Variants in RGS7 observed in about 807,000 individuals in gnomAD.
RGS7 encodes regulator of G protein signaling 7, also known as regulator of G-protein signaling 7.
A neutral mutation model predicts 81.1 loss-of-function variants in RGS7; 27 were observed. The observed-to-expected ratio is 0.33, with a 90% CI of 0.25 to 0.46. The LOEUF (loss-of-function observed/expected upper bound fraction) is 0.46, where lower values mean the gene tolerates loss of function less well. RGS7 is among the 20% of genes least tolerant of loss of function. The pLI is 1.00. For missense variants in RGS7, 396 were observed against 607.4 expected (o/e 0.65, Z 3.66); for synonymous variants, 208 against 207.7 (o/e 1.00, Z -0.01).
intron 2 of RGS7, among the ~76,000 whole-genome samples, chr1:241,333,987 T>C (rs1172907877): frequency 6.6e-6 from 1 of 151,422 alleles, no homozygotes; most frequent in African/African-American, 2.4e-5. Context: ...TTTATAAACA[T>C]TGGTGCTGTG....
chr1:241,292,923 A>G (rs968375621), intron 2 of RGS7, among the ~76,000 whole-genome samples: 5 of 152,256 alleles, frequency 3.3e-5, no homozygotes. Context: ...ATGCATTCAT[A>G]TATTTTGCAG....
chr1:241,030,181 T>C (rs6673428), intron 3 of RGS7, among the ~76,000 whole-genome samples: 1,763 of 152,084 alleles, frequency 0.012, 29 homozygotes, highest in African/African-American at 0.039. Context: ...ATCAAGACAA[T>C]GGCAAATATT....
intron 2 of RGS7, among the ~76,000 whole-genome samples, chr1:241,136,474 G>A (rs2067524172): frequency 6.6e-6 from 1 of 152,116 alleles, no homozygotes; most frequent in African/African-American, 2.4e-5. Flanking sequence ...GGGGTAGAGG[G>A]GAGTGTCACT....
At chr1:241,107,259 T>A (rs7554191) in intron 2 of RGS7, among the ~76,000 whole-genome samples, 1 of 151,942 alleles carries the variant, frequency 6.6e-6, no homozygotes, top group Non-Finnish European at 1.5e-5. Context: ...ACTGCTTGAG[T>A]TTTACAGTTT....
chr1:241,142,193 G>T (rs2067970770), intron 2 of RGS7, among the ~76,000 whole-genome samples: 4 of 152,214 alleles, frequency 2.6e-5, no homozygotes, highest in Admixed American at 2.6e-4. Flanking sequence ...TCGTGGGCTG[G>T]CACTGAGTGC....
chr1:240,932,997 C>T, intron 5 of RGS7, among the ~76,000 whole-genome samples: 1 of 148,670 alleles, frequency 6.7e-6, no homozygotes, highest in Non-Finnish European at 1.5e-5. Flanking sequence ...CATTCTCCTG[C>T]CTCAGCCTCC....
intron 3 of RGS7, among the ~76,000 whole-genome samples, chr1:241,075,410 C>T (rs986936664): frequency 7.2e-5 from 11 of 152,098 alleles, no homozygotes; most frequent in African/African-American, 1.9e-4. Context: ...CCCCTTTTGA[C>T]GAGGAGAAAA....
intron 9 of RGS7, among the ~76,000 whole-genome samples, chr1:240,843,032 G>T (rs1331672295): frequency 6.6e-6 from 1 of 151,872 alleles, no homozygotes; most frequent in Non-Finnish European, 1.5e-5. Flanking sequence ...AGGCATGGTG[G>T]CGGGTGCCTT....
intron 3 of RGS7, among the ~76,000 whole-genome samples, chr1:241,031,736 G>A (rs78683552): frequency 6.6e-6 from 1 of 152,010 alleles, no homozygotes; most frequent in Non-Finnish European, 1.5e-5. Context: ...GTGATGTCTA[G>A]CATTTTTTCA....
intron 2 of RGS7, among the ~76,000 whole-genome samples, chr1:241,104,656 G>T (rs2064989192): frequency 6.6e-6 from 1 of 151,886 alleles, no homozygotes; most frequent in African/African-American, 2.4e-5. Context: ...TTCACTATGC[G>T]TGATAAAAGT....
rs188861945 is a variant in RGS7, at chr1:240,801,604, A to T, written c.1360-96T>A. 155 of 857,026 alleles carry T rather than the reference A, an allele frequency of 1.8e-4. No homozygotes were observed. The East Asian group carries it at 2.0e-3, about 11-fold the overall frequency. The allele number at this position is 857,026 out of a possible 1,614,324, so 53.1% of individuals were successfully genotyped here. On this transcript the variant is annotated intron_variant, in intron 16 of 18. Coordinates refer to ENST00000440928, the MANE Select transcript of RGS7 (RefSeq NM_001364886.1). ...AAACAGAGCAGAAAAAGACAGGATAATGAAATGATGCAACACCAAATCCAT... is the reference window on the plus strand; with the variant it reads ...AAACAGAGCAGAAAAAGACAGGATATTGAAATGATGCAACACCAAATCCAT...
intron 6 of RGS7, among the ~76,000 whole-genome samples, chr1:240,883,720 C>A (rs1416881254): frequency 6.6e-6 from 1 of 152,180 alleles, no homozygotes; most frequent in Non-Finnish European, 1.5e-5. Flanking sequence ...AACAAACATC[C>A]TTTTTGTGGG....
chr1:241,308,161 G>A (rs1353022727), intron 2 of RGS7, among the ~76,000 whole-genome samples: 2 of 152,042 alleles, frequency 1.3e-5, no homozygotes, highest in East Asian at 1.9e-4. Context: ...AGAGAATGTG[G>A]GGGGAATGAG....
At chr1:241,047,383 C>T (rs2060991890) in intron 3 of RGS7, among the ~76,000 whole-genome samples, 1 of 152,078 alleles carries the variant, frequency 6.6e-6, no homozygotes, top group Non-Finnish European at 1.5e-5. Flanking sequence ...TCTTTCCCGG[C>T]TTCCTGGTAT....
chr1:240,953,182 G>A (rs542491027), intron 4 of RGS7, among the ~76,000 whole-genome samples: 1 of 151,822 alleles, frequency 6.6e-6, no homozygotes, highest in South Asian at 2.1e-4. Context: ...AGAAAATCAA[G>A]CAGTCAGAAT....
rs555757129 is a variant in RGS7 at position 240,944,181 on chromosome 1, T to A, written c.227-7475A>T. 1.3e-3 allele frequency among the ~76,000 whole-genome samples: 193 copies of A among 150,892 alleles called. 1 individual carries two copies. Among genetic ancestry groups the A allele is most frequent in the African/African-American group, 4.2e-3 (172 of 41,008 alleles). On this transcript the variant is annotated intron_variant, in intron 4 of 18. Coordinates refer to ENST00000440928, the MANE Select transcript of RGS7 (RefSeq NM_001364886.1). ...TCAGATCTACATTATACAGCCTATATGATATTAGCATGTTCATTCCCCAGA... is the reference window on the plus strand; with the variant it reads ...TCAGATCTACATTATACAGCCTATAAGATATTAGCATGTTCATTCCCCAGA...
At chr1:240,998,562 G>A in intron 3 of RGS7, 1 of 839,826 alleles carries the variant, frequency 1.2e-6, no homozygotes, top group Non-Finnish European at 2.0e-6. Flanking sequence ...AGAAGCTCCT[G>A]CTGGTACAGA....
At chr1:240,979,871 A>G (rs1306982569) in intron 4 of RGS7, among the ~76,000 whole-genome samples, 1 of 152,192 alleles carries the variant, frequency 6.6e-6, no homozygotes, top group African/African-American at 2.4e-5. Context: ...CAAAGAGAGA[A>G]TATTCATTCT....
chr1:241,174,037 G>C (rs1446402191), intron 2 of RGS7, among the ~76,000 whole-genome samples: 2 of 152,188 alleles, frequency 1.3e-5, no homozygotes, highest in Admixed American at 1.3e-4. Context: ...ACCAGTCAAA[G>C]ATGCAAATCA....
Sources: allele counts gnomAD v4.1 joint callset (sites outside exome capture counted in the v4.1 genomes callset), GRCh38; gene constraint gnomAD v4.1.1; transcripts MANE v1.5; gene names NCBI Gene and HGNC (gene_info 2026-07-23, HGNC 2026-07-21).